Variants in KCNQ5 observed in about 807,000 individuals in gnomAD.
KCNQ5 encodes potassium voltage-gated channel subfamily Q member 5, also known as potassium voltage-gated channel subfamily KQT member 5.
KCNQ5 carries 30 observed loss-of-function variants against 98.2 expected under a neutral mutation model. That is an observed-to-expected ratio of 0.31 (90% confidence interval 0.23 to 0.41). KCNQ5 has a LOEUF of 0.41. Among genes scored for constraint, KCNQ5 ranks in the 10% least tolerant of loss-of-function variants. KCNQ5 has a pLI of 1.00. For missense variants in KCNQ5, 835 were observed against 1,182.5 expected (o/e 0.71, Z 4.31); for synonymous variants, 458 against 449.4 (o/e 1.02, Z -0.24).
intron 11 of KCNQ5, among the ~76,000 whole-genome samples, chr6:73,170,505 G>T (rs1285700564): frequency 6.7e-6 from 1 of 149,040 alleles, no homozygotes. Context: ...TGCTCAGCTG[G>T]CCCAGTTTAA....
At chr6:72,829,149 C>T (rs976416378) in intron 1 of KCNQ5, among the ~76,000 whole-genome samples, 1 of 152,058 alleles carries the variant, frequency 6.6e-6, no homozygotes, top group East Asian at 1.9e-4. Context: ...TCCAGAGAGG[C>T]TCTCATATAT....
intron 2 of KCNQ5, among the ~76,000 whole-genome samples, chr6:73,022,354 A>T (rs1336408531): frequency 1.3e-5 from 2 of 152,038 alleles, no homozygotes; most frequent in East Asian, 3.9e-4. Context: ...GTCCAGTTTA[A>T]ATATAAACTG....
intron 1 of KCNQ5, among the ~76,000 whole-genome samples, chr6:72,983,643 G>A (rs1768586710): frequency 6.6e-6 from 1 of 152,092 alleles, no homozygotes; most frequent in South Asian, 2.1e-4. Flanking sequence ...GGAGAATTTT[G>A]TTATTACCAA....
At chr6:73,003,871 AG>A (rs778031073) in intron 1 of KCNQ5, 36 bp from the exon 2 acceptor site, 1 of 1,335,944 alleles carries the variant, frequency 7.5e-7, no homozygotes, top group Non-Finnish European at 1.1e-6. Context: ...TAATAAGGTA[AG>A]GTTCTTATCA....
chr6:73,145,894 G>A (rs1003925885), intron 10 of KCNQ5, among the ~76,000 whole-genome samples: 27 of 152,284 alleles, frequency 1.8e-4, no homozygotes, highest in African/African-American at 6.0e-4. Context: ...GAAAGGGAAG[G>A]AAGCGTGTCT....
At chr6:72,967,077 T>G (rs1042316661) in intron 1 of KCNQ5, among the ~76,000 whole-genome samples, 1 of 152,224 alleles carries the variant, frequency 6.6e-6, no homozygotes, top group South Asian at 2.1e-4. Context: ...ATTGGATCCC[T>G]TCAGCTGTGA....
intron 1 of KCNQ5, among the ~76,000 whole-genome samples, chr6:72,695,026 C>G (rs896185451): frequency 4.6e-5 from 7 of 152,218 alleles, no homozygotes; most frequent in African/African-American, 1.7e-4. Context: ...TATATTGCTG[C>G]AAAGGATATG....
intron 1 of KCNQ5, among the ~76,000 whole-genome samples, chr6:72,933,686 T>C (rs1043507876): frequency 1.3e-5 from 2 of 152,210 alleles, no homozygotes; most frequent in African/African-American, 4.8e-5. Flanking sequence ...AAAAATACAA[T>C]GTATAAATCA....
chr6:72,820,559 T>C (rs768140786), intron 1 of KCNQ5, among the ~76,000 whole-genome samples: 6 of 152,068 alleles, frequency 3.9e-5, no homozygotes, highest in Non-Finnish European at 8.8e-5. Flanking sequence ...TGTTCTTTAA[T>C]AAGCAGTGTA....
chr6:73,198,131 G>C lies in KCNQ5; in HGVS notation c.*2717G>C, dbSNP rs1247348291. On this transcript the variant is annotated 3_prime_UTR_variant, in exon 14 of 14. Transcript: ENST00000370398. ...ATTTCCATTGGTCAATTTTAATGATGTCTTGAAGCACAATTTAGCTGAGCA... is the reference window on the plus strand; with the variant it reads ...ATTTCCATTGGTCAATTTTAATGATCTCTTGAAGCACAATTTAGCTGAGCA... The C allele has an allele frequency of 6.6e-6, 1 of 152,136 alleles. No individual in the cohort carries two copies. Among genetic ancestry groups the C allele is most frequent in the Non-Finnish European group, 1.5e-5 (1 of 68,028 alleles). The allele number at this position is 152,136 out of a possible 1,614,324, so 9.4% of individuals were successfully genotyped here. A position where few individuals can be genotyped will look rare whatever the true frequency, so the allele number is the denominator to read the frequency against.
At chr6:73,024,735 T>A (rs943898098) in intron 2 of KCNQ5, among the ~76,000 whole-genome samples, 1 of 152,210 alleles carries the variant, frequency 6.6e-6, no homozygotes, top group Admixed American at 6.5e-5. Flanking sequence ...ACATTTCAGA[T>A]GAACAAAAAC....
At chr6:72,827,136 C>T (rs1190494353) in intron 1 of KCNQ5, among the ~76,000 whole-genome samples, 1 of 152,014 alleles carries the variant, frequency 6.6e-6, no homozygotes, top group Non-Finnish European at 1.5e-5. Context: ...TGTGGTACAC[C>T]TCAGTTGATG....
At chr6:72,635,670 G>GTTTTTTTTTTTTT (rs528990234) in intron 1 of KCNQ5, among the ~76,000 whole-genome samples, 16 of 65,062 alleles carry the variant, frequency 2.5e-4, no homozygotes, top group East Asian at 4.5e-4. Context: ...ATTGCTCCTA[G>GTTTTTTTTTTTTT]TTTTTTTTTT....
chr6:72,780,140 A>T (rs1005578421), intron 1 of KCNQ5, among the ~76,000 whole-genome samples: 1 of 152,160 alleles, frequency 6.6e-6, no homozygotes, highest in Non-Finnish European at 1.5e-5. Flanking sequence ...CATTGCAAAC[A>T]TTACCACAAA....
intron 1 of KCNQ5, among the ~76,000 whole-genome samples, chr6:73,001,185 A>G (rs1000674008): frequency 6.6e-6 from 1 of 152,038 alleles, no homozygotes; most frequent in African/African-American, 2.4e-5. Context: ...TCCCAACTAA[A>G]TAGAATCCCT....
In KCNQ5 at chr6:72,812,276, C is replaced by G. The variant is rs1775281870; in HGVS notation, c.398+189689C>G. On this transcript the variant is annotated intron_variant, in intron 1 of 13. Transcript: ENST00000370398. ...CATCCTGTGACTAAGAATGCCTGAC[C>G]TCCTTGGAATGCAGCCCAGCAAATC... Among the ~76,000 whole-genome samples the G allele has an allele frequency of 2.6e-5, 4 of 152,252 alleles. No individual in the cohort carries two copies. In the South Asian group the frequency reaches 8.3e-4, roughly 32 times the overall value.
chr6:73,109,823 T>C (rs559012384), intron 6 of KCNQ5, among the ~76,000 whole-genome samples: 1 of 152,350 alleles, frequency 6.6e-6, no homozygotes, highest in South Asian at 2.1e-4. Flanking sequence ...TACAGTCATT[T>C]ATACTAATTA....
chr6:72,932,473 T>C (rs531412035), intron 1 of KCNQ5, among the ~76,000 whole-genome samples: 7 of 152,330 alleles, frequency 4.6e-5, no homozygotes, highest in African/African-American at 1.7e-4. Context: ...GGAAACTATG[T>C]GCCTCTCTCA....
intron 10 of KCNQ5, among the ~76,000 whole-genome samples, chr6:73,147,390 G>C (rs1007466954): frequency 2.0e-5 from 3 of 152,008 alleles, no homozygotes; most frequent in Admixed American, 6.6e-5. Context: ...TCCAGTACTT[G>C]ATGGCAATTT....
Sources: allele counts gnomAD v4.1 joint callset (sites outside exome capture counted in the v4.1 genomes callset), GRCh38; gene constraint gnomAD v4.1.1; transcripts MANE v1.5; gene names NCBI Gene and HGNC (gene_info 2026-07-23, HGNC 2026-07-21).